NCAN: variants seen among roughly 807,000 people sequenced by gnomAD.
NCAN encodes neurocan.
In NCAN, 47 loss-of-function variants were observed where a neutral mutation model predicts 121.8. That is an observed-to-expected ratio of 0.39 (90% CI 0.31 to 0.49). The LOEUF is 0.49. Ranked by LOEUF, NCAN falls within the 20% of genes least tolerant of loss-of-function variation. The pLI is 0.92. For synonymous variants in NCAN, 633 were observed against 702.0 expected, an observed-to-expected ratio of 0.90 and a Z score of 1.55; for missense variants, 1,517 against 1,773.4, an observed-to-expected ratio of 0.86 and a Z score of 2.60.
intron 3 of NCAN, among the ~76,000 whole-genome samples, chr19:19,220,550 C>T (rs1372843007): frequency 2.0e-5 from 3 of 150,228 alleles, no homozygotes; most frequent in Admixed American, 6.7e-5. Context: ...CTCTGCCTCC[C>T]GGGTTCACAC....
intron 12 of NCAN, among the ~76,000 whole-genome samples, chr19:19,241,882 T>A (rs1413476454): frequency 1.3e-5 from 2 of 151,924 alleles, no homozygotes; most frequent in East Asian, 3.9e-4. Flanking sequence ...ATAATAAAAT[T>A]GCACTTGTAC....
rs554439086 is a variant in NCAN, at chr19:19,242,052, G to A, written c.3492+1367G>A. Among the ~76,000 whole-genome samples the A allele has an allele frequency of 2.6e-5, 4 of 152,076 alleles. No individual in the cohort carries two copies. In the East Asian group the frequency reaches 7.8e-4, roughly 30 times the overall value. ...TCTACTAAAAATACAAAAATTAGCT[G>A]GGTGTGGTGGCATGTACCTGGAATC... On this transcript the variant is annotated intron_variant, in intron 12 of 14. Coordinates refer to ENST00000252575, the MANE Select transcript of NCAN (RefSeq NM_004386.3).
chr19:19,214,725 G>A (rs867486277), intron 1 of NCAN, among the ~76,000 whole-genome samples: 8 of 110,062 alleles, frequency 7.3e-5, no homozygotes, highest in African/African-American at 2.6e-4. Context: ...ACCTGTTAAC[G>A]GGGTGTGTGT....
In NCAN at chr19:19,228,757, A is replaced by G. The variant is rs1291951874; in HGVS notation, c.3019+118A>G. On this transcript the variant is annotated intron_variant, in intron 8 of 14. Transcript: ENST00000252575. ...GTCCCTGGGGATCTGGAAGCTTTCT[A>G]GTGGGGCATGACGCTGGAGGTAGGA... is the stretch of plus-strand genomic sequence containing the variant. The G allele has an allele frequency of 5.2e-6, 6 of 1,159,456 alleles. No homozygotes were observed. In the African/African-American group the frequency reaches 9.3e-5, roughly 18 times the overall value. The allele number at this position is 1,159,456 out of a possible 1,614,324, so 71.8% of individuals were successfully genotyped here.
intron 8 of NCAN, among the ~76,000 whole-genome samples, chr19:19,231,349 G>T: frequency 6.8e-6 from 1 of 146,170 alleles, no homozygotes; most frequent in South Asian, 2.2e-4. Context: ...TTTTTTTTGA[G>T]AGAGAGAGTC....
At position 19,212,143 on chromosome 19, in the gene NCAN, C is replaced by G. The variant is rs532309040; in HGVS notation, c.-8+79C>G. On this transcript the variant is annotated intron_variant, in intron 1 of 14. Coordinates refer to ENST00000252575, the MANE Select transcript of NCAN (RefSeq NM_004386.3). This position sits in a 1 kb window ranked among gnomAD's most constrained non-coding sequence, Gnocchi z 4.5. ...CAGAGCTCAGGATTAGGGAGAGGAC[C>G]TGAGACCAGGGAGAAGTCCCCAGAA... The G allele has an allele frequency of 4.4e-3, 682 of 156,126 alleles. 5 individuals are homozygous for G. Among genetic ancestry groups the G allele is most frequent in the Middle Eastern group, 0.027 (51 of 1,916 alleles). 9.7% of individuals were successfully genotyped at this position (156,126 alleles called of 1,614,324 possible).
chr19:19,249,966 G>A lies in NCAN; in HGVS notation c.*55G>A, dbSNP rs1184024053. 3 of 1,548,492 alleles carry A rather than the reference G, an allele frequency of 1.9e-6. No homozygotes were observed. Among genetic ancestry groups the A allele is most frequent in the Admixed American group, 1.9e-5 (1 of 52,390 alleles). On this transcript the variant is annotated 3_prime_UTR_variant, in exon 15 of 15. Coordinates refer to ENST00000252575, the MANE Select transcript of NCAN (RefSeq NM_004386.3). ...TTCCCATGCCTCCTCTGGAGCCTTCGCCTGGGGAGACAGAACCCAGAGAGA... is the reference window on the plus strand; with the variant it reads ...TTCCCATGCCTCCTCTGGAGCCTTCACCTGGGGAGACAGAACCCAGAGAGA...
intron 10 of NCAN, among the ~76,000 whole-genome samples, chr19:19,235,701 C>T (rs1253813235): frequency 4.6e-5 from 7 of 151,914 alleles, no homozygotes; most frequent in South Asian, 4.1e-4. Flanking sequence ...CTCAGCCTCC[C>T]GAGTAGCTGG....
chr19:19,228,234 C>T lies in NCAN; in HGVS notation c.2614C>T (p.Pro872Ser). Reference sequence around the variant, plus strand: ...GGCCCTGGATACAAGCATTGTGACGCCCCTCACGACCCTGGAGCAGGGGGA... The same window carrying T: ...GGCCCTGGATACAAGCATTGTGACGTCCCTCACGACCCTGGAGCAGGGGGA... The part of the protein sequence containing the change: ...QVALDTSIVT[P>S]LTTLEQGDKV... Residue 872 changes from proline to serine, a missense_variant, in exon 8 of 15, where the codon CCC (proline) becomes TCC (serine). Physicochemically the swap from Pro to Ser is moderately conservative, Grantham distance 74 (BLOSUM62 -1). Transcript: ENST00000252575. 6.2e-7 allele frequency: 1 copy of T among 1,613,902 alleles called. No individual in the cohort carries two copies.
chr19:19,216,501 G>A (rs577311518), intron 1 of NCAN, among the ~76,000 whole-genome samples: 5 of 152,120 alleles, frequency 3.3e-5, no homozygotes, highest in South Asian at 2.1e-4. Flanking sequence ...TAGTAGAGAC[G>A]GGGTTTCACC....
Position 19,250,413 on chromosome 19 carries a change from C to T in NCAN, c.*502C>T, listed in dbSNP as rs2060942497. On this transcript the variant is annotated 3_prime_UTR_variant, in exon 15 of 15. Coordinates refer to ENST00000252575, the MANE Select transcript of NCAN (RefSeq NM_004386.3). ...AGCACACTGTTTTTGAACTTGACAA[C>T]AGCTCTCCCTTTACCCTGGACTTCA... 1 of 331,392 alleles carries T rather than the reference C, an allele frequency of 3.0e-6. No individual in the cohort carries two copies. Among genetic ancestry groups the T allele is most frequent in the Admixed American group, 4.2e-5 (1 of 23,860 alleles). The allele number at this position is 331,392 out of a possible 1,614,324, so 20.5% of individuals were successfully genotyped here.
At position 19,226,935 on chromosome 19, in the gene NCAN, G is replaced by C. The variant is rs372783770; in HGVS notation, c.1522G>C (p.Ala508Pro). 1.5e-5 allele frequency: 24 copies of C among 1,582,540 alleles called. No individual in the cohort carries two copies. Among genetic ancestry groups the C allele is most frequent in the African/African-American group, 2.7e-5 (2 of 74,082 alleles). The change falls in exon 7 of 15, where the codon GCC becomes CCC. Residue 508 changes from alanine to proline, a missense_variant. Transcript: ENST00000252575. Reference sequence around the variant, plus strand: ...GCTGCAAGGGGGGATGGAGGCCAGCGCCCAGCCCCCCACCTCAGAGGCTGC... The same window carrying C: ...GCTGCAAGGGGGGATGGAGGCCAGCCCCCAGCCCCCCACCTCAGAGGCTGC... ...PGLQGGMEASAQPPTSEAAVN... is the reference protein window; with the variant it reads ...PGLQGGMEASPQPPTSEAAVN...
At chr19:19,218,763 C>A in intron 2 of NCAN, 152 bp from the exon 3 acceptor site, 1 of 695,252 alleles carries the variant, frequency 1.4e-6, no homozygotes, top group Admixed American at 4.0e-5. Flanking sequence ...TGAGCTATCG[C>A]GTCCAGCCAC....
rs771600382 is a variant in NCAN at position 19,248,921 on chromosome 19, G to A, written c.3820+39G>A. On this transcript the variant is annotated intron_variant, in intron 14 of 14. Coordinates refer to ENST00000252575, the MANE Select transcript of NCAN (RefSeq NM_004386.3). Reference sequence around the variant, plus strand: ...CCCAGAGATCTCAACATAGGTTTTTGGTATTTCTAGTTTCCAAGTAAGACA... The same window carrying A: ...CCCAGAGATCTCAACATAGGTTTTTAGTATTTCTAGTTTCCAAGTAAGACA... 2.5e-5 allele frequency: 40 copies of A among 1,597,048 alleles called. No homozygotes were observed. In the African/African-American group the frequency reaches 5.4e-4, roughly 21 times the overall value.
At position 19,227,095 on chromosome 19, in the gene NCAN, G is replaced by C. The variant is rs760217081; in HGVS notation, c.1660+22G>C. ...GCTGGTGAGTTGCTCTGGGGGAGGC[G>C]GGACCTACCTGGGGATCTGGAGGTG... is the stretch of plus-strand genomic sequence containing the variant. On this transcript the variant is annotated intron_variant, in intron 7 of 14. Coordinates refer to ENST00000252575, the MANE Select transcript of NCAN (RefSeq NM_004386.3). This position sits in a 1 kb window ranked among gnomAD's most constrained non-coding sequence, Gnocchi z 4.2. The C allele has an allele frequency of 2.0e-5, 30 of 1,503,644 alleles. No homozygotes were observed. Among genetic ancestry groups the C allele is most frequent in the Middle Eastern group, 2.2e-4 (1 of 4,564 alleles). 93.1% of individuals were successfully genotyped at this position (1,503,644 alleles called of 1,614,324 possible).
chr19:19,227,229 C>T lies in NCAN; in HGVS notation c.1661-52C>T, dbSNP rs1328193687. 2.0e-6 allele frequency: 3 copies of T among 1,509,356 alleles called. No homozygotes were observed. Among genetic ancestry groups the T allele is most frequent in the Admixed American group, 2.3e-5 (1 of 44,324 alleles). 93.5% of individuals were successfully genotyped at this position (1,509,356 alleles called of 1,614,324 possible). On this transcript the variant is annotated intron_variant, in intron 7 of 14. Transcript: ENST00000252575. This position sits in a 1 kb window ranked among gnomAD's most constrained non-coding sequence, Gnocchi z 4.2. ...CCTCTCCCTTGGGCCTGGAGTCCAA[C>T]CAAAGGGGCTGCTGAGAGATCATTG...
At position 19,245,314 on chromosome 19, in the gene NCAN, A is replaced by G; in HGVS notation, c.3494A>G (p.Gln1165Arg). 1 of 1,614,022 alleles carries G rather than the reference A, an allele frequency of 6.2e-7. No individual in the cohort carries two copies. The highest frequency in any genetic ancestry group is 8.5e-7 in the Non-Finnish European group (1 of 1,179,936). ...ACTCCCTGCCCCCTATTCCTGCAGCAATTTGAGAACTGGCGAGAGAACCAG... is the reference window on the plus strand; with the variant it reads ...ACTCCCTGCCCCCTATTCCTGCAGCGATTTGAGAACTGGCGAGAGAACCAG... ...DFQWTDNTGL[Q>R]FENWRENQPD... Residue 1165 changes from glutamine to arginine, a missense_variant and splice_region_variant, in exon 13 of 15, where the codon CAA becomes CGA. Physicochemically the swap from Gln to Arg is conservative, Grantham distance 43. Transcript: ENST00000252575.
intron 10 of NCAN, among the ~76,000 whole-genome samples, chr19:19,235,415 C>T (rs558611814): frequency 8.6e-5 from 13 of 151,988 alleles, no homozygotes; most frequent in South Asian, 6.2e-4. Context: ...GGATTACAGG[C>T]GCCCGCCACC....
Position 19,249,916 on chromosome 19 carries a change from C to A in NCAN, c.*5C>A. On this transcript the variant is annotated 3_prime_UTR_variant, in exon 15 of 15. Coordinates refer to ENST00000252575, the MANE Select transcript of NCAN (RefSeq NM_004386.3). Reference sequence around the variant, plus strand: ...GACGAAGGGAATTTCTGCTGAAGAACCAGAAAAAAGAAAGCACAACACCTT... The same window carrying A: ...GACGAAGGGAATTTCTGCTGAAGAAACAGAAAAAAGAAAGCACAACACCTT... 1 of 1,611,850 alleles carries A rather than the reference C, an allele frequency of 6.2e-7. No individual in the cohort carries two copies. The highest frequency in any genetic ancestry group is 1.1e-5 in the South Asian group (1 of 90,764).
Sources: allele counts gnomAD v4.1 joint callset (sites outside exome capture counted in the v4.1 genomes callset), GRCh38; gene constraint gnomAD v4.1.1; non-coding constraint Gnocchi (gnomAD v3.1); transcripts MANE v1.5; gene names NCBI Gene and HGNC (gene_info 2026-07-23, HGNC 2026-07-21).